Variants in LOXHD1 observed in about 807,000 individuals in gnomAD.
LOXHD1 encodes the protein lipoxygenase homology domain-containing protein 1.
In LOXHD1, 205 loss-of-function variants were observed where a neutral mutation model predicts 248.2. That is an observed-to-expected ratio of 0.83 (90% CI 0.74 to 0.93). The LOEUF is 0.93. Among genes scored for constraint, LOXHD1 ranks in the 40% least tolerant of loss-of-function variants. The probability of loss-of-function intolerance (pLI) is 0.00; values close to 1 mark genes in which losing one functional copy is unlikely to be tolerated. For synonymous variants in LOXHD1, 1,113 were observed against 1,162.8 expected (o/e 0.96, Z 0.87); for missense variants, 2,930 against 2,971.6 (o/e 0.99, Z 0.33).
At chr18:46,525,506 G>T (rs1338961859) in intron 29 of LOXHD1, among the ~76,000 whole-genome samples, 1 of 152,118 alleles carries the variant, frequency 6.6e-6, no homozygotes, top group Non-Finnish European at 1.5e-5. Context: ...CAAACATCTG[G>T]GATGCAGGCT....
At chr18:46,589,299 C>T (rs2038121279) in intron 12 of LOXHD1, among the ~76,000 whole-genome samples, 1 of 152,164 alleles carries the variant, frequency 6.6e-6, no homozygotes, top group Non-Finnish European at 1.5e-5. Context: ...CCAATTGTTA[C>T]CTCCTCCTCC....
chr18:46,620,953 A>C (rs1308626783), intron 4 of LOXHD1, among the ~76,000 whole-genome samples: 2 of 152,200 alleles, frequency 1.3e-5, no homozygotes, highest in East Asian at 3.8e-4. Flanking sequence ...CCACGAGCCC[A>C]AAGTGAGGCA....
At chr18:46,545,953 T>A (rs1598967617) in intron 22 of LOXHD1, among the ~76,000 whole-genome samples, 1 of 152,130 alleles carries the variant, frequency 6.6e-6, no homozygotes, top group South Asian at 2.1e-4. Flanking sequence ...TCATTTTTTT[T>A]TTCAGCATGT....
chr18:46,519,169 G>A (rs762661418), intron 33 of LOXHD1: 8 of 889,316 alleles, frequency 9.0e-6, no homozygotes, highest in Non-Finnish European at 1.1e-5. Flanking sequence ...TTCTCACCAA[G>A]TGCCCCTGGA....
intron 6 of LOXHD1, among the ~76,000 whole-genome samples, 193 bp from the exon 7 acceptor site, chr18:46,604,422 ATG>A (rs1179076587): frequency 6.6e-6 from 1 of 152,216 alleles, no homozygotes; most frequent in Non-Finnish European, 1.5e-5. Context: ...TCATACAGGG[ATG>A]ACTGGCGATT....
At chr18:46,649,559 C>T (rs1233328496) in intron 1 of LOXHD1, among the ~76,000 whole-genome samples, 1 of 152,196 alleles carries the variant, frequency 6.6e-6, no homozygotes, top group African/African-American at 2.4e-5. Context: ...CCTCCAGATG[C>T]CCATTCTGTA....
At chr18:46,501,429 T>C (rs1598857521) in intron 37 of LOXHD1, among the ~76,000 whole-genome samples, 2 of 152,192 alleles carry the variant, frequency 1.3e-5, no homozygotes, top group African/African-American at 2.4e-5. Flanking sequence ...ACATAGTGGT[T>C]GGTCCTCAAG....
At chr18:46,485,391 G>A (rs2032971775) in intron 38 of LOXHD1, among the ~76,000 whole-genome samples, 2 of 151,960 alleles carry the variant, frequency 1.3e-5, no homozygotes, top group Admixed American at 1.3e-4. Context: ...AGGCAAATAT[G>A]GGAGCCACTG....
intron 4 of LOXHD1, among the ~76,000 whole-genome samples, chr18:46,633,130 T>C (rs1284659843): frequency 6.6e-6 from 1 of 152,210 alleles, no homozygotes; most frequent in Non-Finnish European, 1.5e-5. Flanking sequence ...TTGGAATGCA[T>C]TAAAAGAAGT....
chr18:46,598,520 A>AG (rs61681120), intron 8 of LOXHD1, among the ~76,000 whole-genome samples: 3 of 151,698 alleles, frequency 2.0e-5, no homozygotes, highest in Admixed American at 1.3e-4. Flanking sequence ...AAAAAAAAAA[A>AG]CTGTTATCAT....
chr18:46,545,940 GA>G (rs1309972673), intron 22 of LOXHD1, among the ~76,000 whole-genome samples: 1 of 16,524 alleles, frequency 6.1e-5, no homozygotes, highest in Non-Finnish European at 1.9e-4. Flanking sequence ...CCATTTCTAA[GA>G]ATCATTTTTT....
chr18:46,496,474 T>G (rs1447193986), intron 37 of LOXHD1, among the ~76,000 whole-genome samples: 1 of 152,210 alleles, frequency 6.6e-6, no homozygotes, highest in Non-Finnish European at 1.5e-5. Context: ...AATATATTTT[T>G]CCTCATACGT....
intron 37 of LOXHD1, among the ~76,000 whole-genome samples, chr18:46,493,737 A>G (rs936011202): frequency 6.6e-6 from 1 of 152,216 alleles, no homozygotes; most frequent in African/African-American, 2.4e-5. Context: ...CAGGCAAGAG[A>G]TGACAGTCTC....
At chr18:46,550,529 C>T (rs1007117719) in intron 21 of LOXHD1, among the ~76,000 whole-genome samples, 2 of 137,132 alleles carry the variant, frequency 1.5e-5, no homozygotes, top group East Asian at 2.3e-4. Flanking sequence ...GCCGAGATTG[C>T]GCCACTGCAG....
intron 12 of LOXHD1, among the ~76,000 whole-genome samples, chr18:46,590,678 T>C (rs2038149386): frequency 6.6e-6 from 1 of 152,196 alleles, no homozygotes; most frequent in African/African-American, 2.4e-5. Flanking sequence ...GATTGCCTTG[T>C]TCCCAAGGCA....
chr18:46,574,555 G>A (rs911501166), intron 14 of LOXHD1, among the ~76,000 whole-genome samples: 15 of 151,568 alleles, frequency 9.9e-5, no homozygotes, highest in Middle Eastern at 3.4e-3. Flanking sequence ...AAGTCCCCTG[G>A]GTCCTGAGTT....
chr18:46,560,226 T>A lies in LOXHD1; in HGVS notation c.2918A>T (p.Glu973Val). The change falls in exon 19 of 41, where the codon GAG becomes GTG. Residue 973 changes from glutamate (E) to valine (V), a missense_variant. Coordinates refer to ENST00000642948, the MANE Select transcript of LOXHD1 (RefSeq NM_001384474.1). ...CGGCCCAAACTCCTCCTCTTCCTCC[T>A]CTTCTTCCATCTCCTCCTCCTCTGA... Reference protein sequence around the residue: ...SSSEEEEMEEEEEEEEFGPGM... With the variant: ...SSSEEEEMEEVEEEEEFGPGM... The A allele has an allele frequency of 1.3e-6, 2 of 1,551,422 alleles. No individual in the cohort carries two copies. Among genetic ancestry groups the A allele is most frequent in the Non-Finnish European group, 1.7e-6 (2 of 1,146,956 alleles).
At chr18:46,499,658 T>C (rs1342762034) in intron 37 of LOXHD1, among the ~76,000 whole-genome samples, 3 of 151,880 alleles carry the variant, frequency 2.0e-5, no homozygotes, top group African/African-American at 7.2e-5. Context: ...ACTTTGTGTG[T>C]GGTGTGTGTT....
At position 46,577,699 on chromosome 18, in the gene LOXHD1, G is replaced by A. The variant is rs1391036494; in HGVS notation, c.1970+8C>T. 9 of 1,548,998 alleles carry A rather than the reference G, an allele frequency of 5.8e-6. No homozygotes were observed. Among genetic ancestry groups the A allele is most frequent in the East Asian group, 2.4e-5 (1 of 40,848 alleles). ...TGGAGAAAACACCAGCAGGCAGGAC[G>A]CATGTACCTGAGACATGGGAACTCC... On this transcript the variant is annotated splice_region_variant and intron_variant, in intron 14 of 40. Transcript: ENST00000642948.
Sources: allele counts gnomAD v4.1 joint callset (sites outside exome capture counted in the v4.1 genomes callset), GRCh38; gene constraint gnomAD v4.1.1; transcripts MANE v1.5; gene names NCBI Gene and HGNC (gene_info 2026-07-23, HGNC 2026-07-21).